The following LINGO2 variants were observed in gnomAD, a reference collection of about 807,000 sequenced individuals.
The protein encoded by LINGO2 is leucine-rich repeat and immunoglobulin-like domain-containing nogo receptor-interacting protein 2.
In LINGO2, 14 loss-of-function variants were observed where a neutral mutation model predicts 30.6. The ratio of observed to expected loss-of-function variants is 0.46; its 90% confidence interval spans 0.30 to 0.72. LINGO2 has a LOEUF of 0.72. Among genes scored for constraint, LINGO2 ranks in the 30% least tolerant of loss-of-function variants. The pLI, the probability that LINGO2 is intolerant of heterozygous loss-of-function variation, is 0.07. For synonymous variants in LINGO2, 317 were observed against 288.5 expected (o/e 1.10, Z -1.00); for missense variants, 729 against 751.7 (o/e 0.97, Z 0.35).
chr9:29,212,721 G>A, the LINGO2 span, among the ~76,000 whole-genome samples: 4 of 152,288 alleles, frequency 2.6e-5, no homozygotes, highest in African/African-American at 4.8e-5. Context: ...AAAGTGTGAG[G>A]ACAGGACACT....
At chr9:29,037,582 G>A in the LINGO2 span, among the ~76,000 whole-genome samples, 3 of 151,804 alleles carry the variant, frequency 2.0e-5, no homozygotes, top group South Asian at 6.2e-4. Context: ...ATGCTTCCAC[G>A]TTATATGAAG....
intron 4 of LINGO2, among the ~76,000 whole-genome samples, chr9:28,252,382 T>C (rs557482055): frequency 1.3e-5 from 2 of 152,160 alleles, no homozygotes; most frequent in Non-Finnish European, 2.9e-5. Context: ...CGCATCACTA[T>C]GCCTAGCTAA....
the LINGO2 span, chr9:28,888,915 C>T: frequency 3.7e-6 from 2 of 533,892 alleles, no homozygotes; most frequent in African/African-American, 3.9e-5. Context: ...GTCTCCTGTT[C>T]ATTTTCAATA....
At chr9:29,071,482 C>CATATATATATAT in the LINGO2 span, among the ~76,000 whole-genome samples, 12 of 120,860 alleles carry the variant, frequency 9.9e-5, no homozygotes, top group East Asian at 2.4e-4. Flanking sequence ...ATTAACTGGT[C>CATATATATATAT]ATATATATAT....
chr9:28,275,019 A>G (rs1274566284), intron 4 of LINGO2, among the ~76,000 whole-genome samples: 2 of 152,030 alleles, frequency 1.3e-5, no homozygotes, highest in African/African-American at 2.4e-5. Flanking sequence ...GTCTTAAGTC[A>G]TGTCTGTTTC....
At chr9:28,973,731 G>A in the LINGO2 span, among the ~76,000 whole-genome samples, 1 of 152,036 alleles carries the variant, frequency 6.6e-6, no homozygotes, top group Non-Finnish European at 1.5e-5. Context: ...ACTAATACAA[G>A]GTCATGGCAT....
At chr9:28,535,706 A>G (rs1355312500) in intron 1 of LINGO2, among the ~76,000 whole-genome samples, 1 of 147,582 alleles carries the variant, frequency 6.8e-6, no homozygotes, top group African/African-American at 2.5e-5. Context: ...GTGCATGCAC[A>G]CACACACACA....
intron 4 of LINGO2, among the ~76,000 whole-genome samples, chr9:28,283,405 C>G (rs908847389): frequency 4.6e-5 from 7 of 152,074 alleles, no homozygotes; most frequent in African/African-American, 1.7e-4. Context: ...AAAAGAAATA[C>G]TAAGGATTTT....
chr9:29,125,527 G>A, the LINGO2 span, among the ~76,000 whole-genome samples: 32 of 152,118 alleles, frequency 2.1e-4, no homozygotes, highest in African/African-American at 7.2e-4. Flanking sequence ...CACAGTTAAG[G>A]TGTTAACACA....
chr9:28,752,668 G>A, the LINGO2 span, among the ~76,000 whole-genome samples: 1 of 151,998 alleles, frequency 6.6e-6, no homozygotes, highest in Admixed American at 6.6e-5. Context: ...GTTCACTATA[G>A]TAGATTCATG....
the LINGO2 span, among the ~76,000 whole-genome samples, chr9:28,762,061 T>C: frequency 1.3e-5 from 2 of 152,060 alleles, no homozygotes; most frequent in African/African-American, 2.4e-5. Context: ...TGGAAGATTT[T>C]CTTTCTAATT....
intron 4 of LINGO2, among the ~76,000 whole-genome samples, chr9:28,093,248 G>A (rs1194358593): frequency 1.3e-5 from 2 of 152,030 alleles, no homozygotes; most frequent in Non-Finnish European, 2.9e-5. Flanking sequence ...AGAATGAAAG[G>A]ACTCATTTCC....
At chr9:28,907,363 A>C in the LINGO2 span, among the ~76,000 whole-genome samples, 3 of 152,004 alleles carry the variant, frequency 2.0e-5, no homozygotes, top group African/African-American at 7.2e-5. Flanking sequence ...GGAAAGTAGC[A>C]CAAAAGAGAA....
At chr9:28,324,561 G>A (rs1315570612) in intron 3 of LINGO2, among the ~76,000 whole-genome samples, 1 of 152,104 alleles carries the variant, frequency 6.6e-6, no homozygotes, top group Non-Finnish European at 1.5e-5. Context: ...AACTAAGATG[G>A]CAATGAAAGT....
chr9:29,070,197 G>T, the LINGO2 span, among the ~76,000 whole-genome samples: 1 of 151,984 alleles, frequency 6.6e-6, no homozygotes, highest in East Asian at 1.9e-4. Flanking sequence ...AAAAAAATTA[G>T]ATAACATACT....
chr9:28,830,580 T>C, the LINGO2 span, among the ~76,000 whole-genome samples: 1 of 152,104 alleles, frequency 6.6e-6, no homozygotes, highest in South Asian at 2.1e-4. Context: ...AATATGATAG[T>C]CCAGGTAAGA....
At chr9:28,275,764 T>C (rs1305659476) in intron 4 of LINGO2, among the ~76,000 whole-genome samples, 1 of 152,184 alleles carries the variant, frequency 6.6e-6, no homozygotes, top group South Asian at 2.1e-4. Flanking sequence ...TTTCAAGAAG[T>C]TAGAGATCGA....
chr9:28,561,749 G>GTGTGTATGTA (rs772157537), intron 1 of LINGO2, among the ~76,000 whole-genome samples: 4 of 48,754 alleles, frequency 8.2e-5, no homozygotes, highest in Non-Finnish European at 1.1e-4. Flanking sequence ...GTGTGTGTGT[G>GTGTGTATGTA]TATATATATA....
the LINGO2 span, among the ~76,000 whole-genome samples, chr9:29,011,189 A>G: frequency 6.6e-6 from 1 of 152,220 alleles, no homozygotes; most frequent in Admixed American, 6.5e-5. Context: ...ATATATAAAA[A>G]TTAATTATTA....
Sources: allele counts gnomAD v4.1 joint callset (sites outside exome capture counted in the v4.1 genomes callset), GRCh38; gene constraint gnomAD v4.1.1; transcripts MANE v1.5; gene names NCBI Gene and HGNC (gene_info 2026-07-23, HGNC 2026-07-21).